The following CEP192 variants were observed in gnomAD, a reference collection of about 807,000 sequenced individuals.
CEP192 encodes centrosomal protein 192.
A neutral mutation model predicts 271.8 loss-of-function variants in CEP192; 151 were observed. The observed-to-expected ratio is 0.56, with a 90% CI of 0.49 to 0.64. The LOEUF (loss-of-function observed/expected upper bound fraction) is 0.64. Ranked by LOEUF, CEP192 falls within the 30% of genes least tolerant of loss-of-function variation. The pLI is 0.00. For missense variants in CEP192, 2,910 were observed against 3,020.5 expected (o/e 0.96, Z 0.86); for synonymous variants, 995 against 1,076.5 (o/e 0.92, Z 1.48).
chr18:13,104,030 C>T, intron 39 of CEP192: 1 of 359,130 alleles, frequency 2.8e-6, no homozygotes, highest in Non-Finnish European at 5.6e-6. Context: ...AGTTGGTTTT[C>T]TCTTTAGATG....
rs952993502 is a variant in CEP192 at position 13,082,374 on chromosome 18, CTT to C, written c.5617-4640_5617-4639del. On this transcript the variant is annotated intron_variant, in intron 30 of 44. Coordinates refer to ENST00000506447, the MANE Select transcript of CEP192 (RefSeq NM_032142.4). ...GATTATATGATGGCTTTCTTGGTCT[CTT>C]TTGATCTTTGTTCGTTTAAAGTCTG... is the stretch of plus-strand genomic sequence containing the variant. 1.9e-4 allele frequency among the ~76,000 whole-genome samples: 26 copies of C among 136,342 alleles called. 1 individual carries two copies. The highest frequency in any genetic ancestry group is 1.7e-3 in the Admixed American group (23 of 13,352). The allele number at this position is 136,342 out of a possible 152,430, so 89.4% of individuals were successfully genotyped here.
chr18:13,068,823 C>T (rs905833809), intron 24 of CEP192, 29 bp from the exon 25 acceptor site: 1 of 1,613,572 alleles, frequency 6.2e-7, no homozygotes, highest in African/African-American at 1.3e-5. Context: ...TCTCTGGTCT[C>T]CAAGCTAAAA....
chr18:13,008,640 C>T lies in CEP192; in HGVS notation c.466+9C>T. 6.6e-7 allele frequency: 1 copy of T among 1,512,354 alleles called. No homozygotes were observed. Among genetic ancestry groups the T allele is most frequent in the Non-Finnish European group, 8.9e-7 (1 of 1,129,300 alleles). 93.7% of individuals were successfully genotyped at this position (1,512,354 alleles called of 1,614,324 possible). A position where few individuals can be genotyped will look rare whatever the true frequency, so the allele number is the denominator to read the frequency against. ...ACTGGAACAAGCACAAGGTACTGAA[C>T]TATTTGAAATTATTTCTTAATGCAT... On this transcript the variant is annotated intron_variant, in intron 4 of 44. Transcript: ENST00000506447.
At chr18:13,102,629 C>T (rs1021473795) in intron 38 of CEP192, among the ~76,000 whole-genome samples, 4 of 152,300 alleles carry the variant, frequency 2.6e-5, no homozygotes, top group East Asian at 3.9e-4. Flanking sequence ...CCAGCACTGT[C>T]GACTGCTCTT....
intron 3 of CEP192, among the ~76,000 whole-genome samples, chr18:13,004,453 C>T (rs114777397): frequency 0.044 from 6,624 of 152,046 alleles, 210 homozygotes; most frequent in African/African-American, 0.094. Flanking sequence ...ATGTGCAGTG[C>T]GGGGAGTGGC....
In CEP192 at chr18:13,006,382, A is replaced by T. The variant is rs567552192; in HGVS notation, c.291-2074A>T. ...GCAGATTTCTTTCAACCAAACGTGG[A>T]TGGAAAATACAGTATTCATGGATGT... On this transcript the variant is annotated intron_variant, in intron 3 of 44. Transcript: ENST00000506447. Among the ~76,000 whole-genome samples the T allele has an allele frequency of 5.9e-5, 9 of 152,066 alleles. No individual in the cohort carries two copies. The South Asian group carries it at 1.9e-3, about 32-fold the overall frequency.
At position 13,124,989 on chromosome 18, in the gene CEP192, T is replaced by C. The variant is rs1947363902; in HGVS notation, c.*219T>C. ...TTTTACAGGTGAGAAGAGAGTTCTG[T>C]GTTTGCATTGATTATGATATTCTGA... is the stretch of plus-strand genomic sequence containing the variant. On this transcript the variant is annotated 3_prime_UTR_variant, in exon 45 of 45. Coordinates refer to ENST00000506447, the MANE Select transcript of CEP192 (RefSeq NM_032142.4). 4 of 389,052 alleles carry C rather than the reference T, an allele frequency of 1.0e-5. No homozygotes were observed. In the South Asian group the frequency reaches 2.1e-4, roughly 21 times the overall value. The allele number at this position is 389,052 out of a possible 1,614,324, so 24.1% of individuals were successfully genotyped here.
Position 13,113,680 on chromosome 18 carries a change from C to A in CEP192, c.7142C>A (p.Thr2381Lys). 1.2e-6 allele frequency: 2 copies of A among 1,612,502 alleles called. No individual in the cohort carries two copies. The highest frequency in any genetic ancestry group is 8.5e-7 in the Non-Finnish European group (1 of 1,179,116). The change falls in exon 41 of 45, where the codon ACG (threonine) becomes AAG (lysine). Residue 2381 changes from threonine to lysine, a missense_variant. Thr to Lys is a moderately conservative substitution (Grantham distance 78, BLOSUM62 -1). Transcript: ENST00000506447. ...CTTAAGGAGCCTCACATGAAACACACGTTGAGATTCCAACTCTCTGGACAA... is the reference window on the plus strand; with the variant it reads ...CTTAAGGAGCCTCACATGAAACACAAGTTGAGATTCCAACTCTCTGGACAA... The part of the protein sequence containing the change: ...HPLKEPHMKH[T>K]LRFQLSGQSI...
chr18:13,045,206 T>A (rs1295536458), intron 15 of CEP192, among the ~76,000 whole-genome samples: 1 of 152,202 alleles, frequency 6.6e-6, no homozygotes, highest in Non-Finnish European at 1.5e-5. Context: ...ATTCTGTTTG[T>A]CTTTCTATTT....
intron 21 of CEP192, among the ~76,000 whole-genome samples, chr18:13,062,422 A>G (rs955356527): frequency 3.9e-5 from 6 of 152,162 alleles, no homozygotes; most frequent in African/African-American, 9.7e-5. Flanking sequence ...TTTAAAGTAT[A>G]TGCACCTTTA....
Position 13,072,808 on chromosome 18 carries a change from G to A in CEP192, c.5402G>A (p.Arg1801Gln), listed in dbSNP as rs753603607. 4 of 1,612,922 alleles carry A rather than the reference G, an allele frequency of 2.5e-6. No individual in the cohort carries two copies. The highest frequency in any genetic ancestry group is 2.2e-5 in the South Asian group (2 of 91,050). The change falls in exon 29 of 45, where the codon CGA (arginine) becomes CAA (glutamine). Residue 1801 changes from arginine (R) to glutamine (Q), a missense_variant. Physicochemically the swap from Arg to Gln is conservative, Grantham distance 43 (BLOSUM62 1). Transcript: ENST00000506447. ...NNSASTTQHLRLLIRGQDQDC... is the reference protein window; with the variant it reads ...NNSASTTQHLQLLIRGQDQDC... ...TCTGCATCTACAACTCAACATTTAC[G>A]ACTGCTTATTAGAGGACAAGATCAG...
chr18:13,041,604 GTCTC>G (rs2036209677), intron 14 of CEP192, among the ~76,000 whole-genome samples: 1 of 147,450 alleles, frequency 6.8e-6, no homozygotes, highest in Non-Finnish European at 1.5e-5. Flanking sequence ...TTGAGACAGA[GTCTC>G]TCTCTGTCAC....
In CEP192 at chr18:13,116,361, C is replaced by G. The variant is rs778271729; in HGVS notation, c.7290-16C>G. ...GGATTTCAGATTCTTAACTTTTACA[C>G]CTATTCCCAAAGCAGGCAGCTTGAT... On this transcript the variant is annotated splice_polypyrimidine_tract_variant and intron_variant, in intron 42 of 44. Coordinates refer to ENST00000506447, the MANE Select transcript of CEP192 (RefSeq NM_032142.4). The G allele has an allele frequency of 6.2e-7, 1 of 1,609,858 alleles. No individual in the cohort carries two copies. Among genetic ancestry groups the G allele is most frequent in the Admixed American group, 1.7e-5 (1 of 59,166 alleles).
At chr18:13,041,180 G>A (rs2036182239) in intron 14 of CEP192, among the ~76,000 whole-genome samples, 1 of 152,082 alleles carries the variant, frequency 6.6e-6, no homozygotes, top group African/African-American at 2.4e-5. Context: ...AAAAACCACA[G>A]TAAATGAAAT....
chr18:13,040,217 C>G (rs2036130507), intron 13 of CEP192, among the ~76,000 whole-genome samples: 1 of 152,114 alleles, frequency 6.6e-6, no homozygotes, highest in African/African-American at 2.4e-5. Context: ...TATTTGCATT[C>G]AAGTTACTGA....
At chr18:13,108,894 G>A (rs992482516) in intron 40 of CEP192, among the ~76,000 whole-genome samples, 2 of 152,002 alleles carry the variant, frequency 1.3e-5, no homozygotes, top group African/African-American at 4.8e-5. Context: ...AAAACAAAAA[G>A]TCAAAAAACA....
At position 13,015,426 on chromosome 18, in the gene CEP192, G is replaced by T. The variant is rs1003679432; in HGVS notation, c.618G>T (p.Pro206=). 1.9e-6 allele frequency: 3 copies of T among 1,551,128 alleles called. No individual in the cohort carries two copies. The highest frequency in any genetic ancestry group is 2.4e-5 in the East Asian group (1 of 40,894). Reference sequence around the variant, plus strand: ...TAGAAAATGAGAAACTTATCTTACCGACAAGCTTGGAAGATTCTTCTGGTA... The same window carrying T: ...TAGAAAATGAGAAACTTATCTTACCTACAAGCTTGGAAGATTCTTCTGGTA... ...SLLENEKLIL[P]TSLEDSSDDD... is the part of the protein sequence containing the mutation. The change falls in exon 6 of 45, where the codon CCG becomes CCT. Residue 206 remains proline, a synonymous_variant. Coordinates refer to ENST00000506447, the MANE Select transcript of CEP192 (RefSeq NM_032142.4).
intron 39 of CEP192, among the ~76,000 whole-genome samples, chr18:13,104,618 A>G (rs899029984): frequency 1.3e-5 from 2 of 152,228 alleles, no homozygotes; most frequent in African/African-American, 4.8e-5. Context: ...TCTTAAAAAA[A>G]TAAATAGATA....
At chr18:13,090,701 A>G (rs1474101525) in intron 33 of CEP192, among the ~76,000 whole-genome samples, 2 of 152,210 alleles carry the variant, frequency 1.3e-5, no homozygotes, top group African/African-American at 4.8e-5. Context: ...CTAAGGGACC[A>G]GAGCAAAGGA....
Sources: gnomAD v4.1 joint callset for allele counts (sites outside exome capture counted in the v4.1 genomes callset) on GRCh38, gnomAD v4.1.1 for gene constraint, MANE v1.5 for transcripts, NCBI Gene and HGNC (gene_info 2026-07-23, HGNC 2026-07-21) for gene names.